The following SNX10 variants were observed in gnomAD, a reference collection of about 807,000 sequenced individuals.
The protein encoded by SNX10 is sorting nexin-10.
In SNX10, 25 loss-of-function variants were observed where a neutral mutation model predicts 28.5. That is an observed-to-expected ratio of 0.88 (90% confidence interval 0.64 to 1.22). The LOEUF (loss-of-function observed/expected upper bound fraction) is 1.22. SNX10 is among the 50% of genes most tolerant of loss of function. SNX10 has a pLI of 0.00. For missense variants in SNX10, 223 were observed against 242.6 expected, an observed-to-expected ratio of 0.92 and a Z score of 0.54; for synonymous variants, 62 against 81.4, an observed-to-expected ratio of 0.76 and a Z score of 1.28.
intron 1 of SNX10, among the ~76,000 whole-genome samples, chr7:26,292,364 G>T (rs1186454612): frequency 1.3e-5 from 2 of 152,186 alleles, no homozygotes; most frequent in Admixed American, 6.5e-5. Flanking sequence ...CCGGGGAGAG[G>T]GTGGGGCAGA....
intron 1 of SNX10, among the ~76,000 whole-genome samples, chr7:26,306,113 A>G (rs1167604300): frequency 6.6e-6 from 1 of 151,024 alleles, no homozygotes; most frequent in Non-Finnish European, 1.5e-5. Context: ...CAGGTTGGCC[A>G]GGCTGGTCTC....
rs767635600 is a variant in SNX10, at chr7:26,301,944, A to G, written c.-24+9858A>G. Among the ~76,000 whole-genome samples, 103 of 152,294 alleles carry G rather than the reference A, an allele frequency of 6.8e-4. 1 individual carries two copies. Among genetic ancestry groups the G allele is most frequent in the Admixed American group, 4.3e-3 (65 of 15,290 alleles). On this transcript the variant is annotated intron_variant, in intron 1 of 6. Transcript: ENST00000338523. ...AAAATTTAAAAGTCATACTGGGTAC[A>G]TCGTTAGGCATAGGACTCTGAGGTT...
intron 1 of SNX10, among the ~76,000 whole-genome samples, chr7:26,330,604 C>T (rs765149012): frequency 6.6e-5 from 10 of 152,106 alleles, no homozygotes; most frequent in Non-Finnish European, 1.3e-4. Context: ...AGAGGAAGGA[C>T]GGAGTCAGAT....
intron 1 of SNX10, among the ~76,000 whole-genome samples, chr7:26,321,846 ATATCC>A (rs1787321935): frequency 6.6e-6 from 1 of 151,450 alleles, no homozygotes; most frequent in African/African-American, 2.4e-5. Flanking sequence ...TGGCCTCAAG[ATATCC>A]TCTTGAGTCT....
intron 2 of SNX10, among the ~76,000 whole-genome samples, chr7:26,351,646 GTTT>G (rs982361856): frequency 5.3e-5 from 6 of 112,636 alleles, no homozygotes; most frequent in African/African-American, 1.9e-4. Flanking sequence ...AAGCAGTCTG[GTTT>G]TTTTTTTTTG....
chr7:26,319,877 A>T (rs1787241139), intron 1 of SNX10, among the ~76,000 whole-genome samples: 1 of 152,074 alleles, frequency 6.6e-6, no homozygotes, highest in Non-Finnish European at 1.5e-5. Context: ...GTTTTTCCTA[A>T]TTCAGCAAAA....
Position 26,371,986 on chromosome 7 carries a change from AGAT to A in SNX10, c.480_482del (p.Asp160del). On this transcript the variant is annotated inframe_deletion, in exon 6 of 7. Transcript: ENST00000338523. ...TAATGAATAGACGTTTCCCTGAAGAAGATGAAGAAGGAAAAAAAGAAAATGATA... is the reference window on the plus strand; with the variant it reads ...TAATGAATAGACGTTTCCCTGAAGAAGAAGAAGGAAAAAAAGAAAATGATA... 6.2e-7 allele frequency: 1 copy of A among 1,613,276 alleles called. No homozygotes were observed. The highest frequency in any genetic ancestry group is 1.1e-5 in the South Asian group (1 of 91,036).
Position 26,314,664 on chromosome 7 carries a change from A to G in SNX10, c.-24+22578A>G, listed in dbSNP as rs112218520. On this transcript the variant is annotated intron_variant, in intron 1 of 6. Coordinates refer to ENST00000338523, the MANE Select transcript of SNX10 (RefSeq NM_013322.3). ...AGTTTCATAGTTGAGTATCAAGAAT[A>G]TAGCCTGTGAACTGCATGGGATTCT... Among the ~76,000 whole-genome samples the G allele has an allele frequency of 4.6e-5, 7 of 152,252 alleles. 1 individual carries two copies. The highest frequency in any genetic ancestry group is 1.7e-4 in the African/African-American group (7 of 41,554).
intron 2 of SNX10, among the ~76,000 whole-genome samples, chr7:26,355,664 G>A (rs77694947): frequency 0.019 from 2,941 of 152,312 alleles, 55 homozygotes; most frequent in African/African-American, 0.047. Context: ...TTTGAGAAGA[G>A]CATGTTGTCT....
At chr7:26,341,980 T>TTCTCTCTCTC (rs56027802) in intron 1 of SNX10, among the ~76,000 whole-genome samples, 1 of 103,114 alleles carries the variant, frequency 9.7e-6, no homozygotes, top group African/African-American at 4.0e-5. Flanking sequence ...TTTCTCTTCT[T>TTCTCTCTCTC]TCTCTCTCTC....
At chr7:26,326,132 C>T (rs1787494952) in intron 1 of SNX10, among the ~76,000 whole-genome samples, 8 of 152,152 alleles carry the variant, frequency 5.3e-5, no homozygotes, top group Admixed American at 5.2e-4. Context: ...TCTCCATGGA[C>T]TGTGGGGGAG....
At chr7:26,303,561 C>G (rs1359713212) in intron 1 of SNX10, among the ~76,000 whole-genome samples, 1 of 152,202 alleles carries the variant, frequency 6.6e-6, no homozygotes, top group African/African-American at 2.4e-5. Flanking sequence ...CTCTACTCAT[C>G]TGGCCACTCT....
chr7:26,364,764 AGTTTCTTAGCTACTGCATCT>A lies in SNX10; in HGVS notation c.212+131_212+150del. ...TGCCTTGATTACAATATGTAGCTTT[AGTTTCTTAGCTACTGCATCT>A]GAATTTAAAATTTATCACTTAAATT... On this transcript the variant is annotated intron_variant, in intron 4 of 6. Transcript: ENST00000338523. This position sits in a 1 kb window ranked among gnomAD's most constrained non-coding sequence, Gnocchi z 4.9. 1.5e-6 allele frequency: 1 copy of A among 687,824 alleles called. No individual in the cohort carries two copies. Among genetic ancestry groups the A allele is most frequent in the South Asian group, 2.2e-5 (1 of 45,714 alleles). 42.6% of individuals were successfully genotyped at this position (687,824 alleles called of 1,614,324 possible).
At chr7:26,342,991 G>C (rs1368168583) in intron 1 of SNX10, among the ~76,000 whole-genome samples, 1 of 151,964 alleles carries the variant, frequency 6.6e-6, no homozygotes, top group Non-Finnish European at 1.5e-5. Flanking sequence ...TGTATTTTTT[G>C]TAGAGATGGG....
chr7:26,321,185 A>C (rs1256192645), intron 1 of SNX10, among the ~76,000 whole-genome samples: 10 of 152,176 alleles, frequency 6.6e-5, no homozygotes, highest in Admixed American at 6.5e-4. Context: ...TGTTTCCATA[A>C]GGTAGGCCGA....
intron 1 of SNX10, among the ~76,000 whole-genome samples, chr7:26,339,553 T>TTTTTTTCA (rs1788098090): frequency 7.9e-6 from 1 of 127,016 alleles, no homozygotes; most frequent in African/African-American, 2.9e-5. Context: ...CTTTTTTTTT[T>TTTTTTTCA]GACAGAGTCT....
At chr7:26,303,102 A>G (rs1031360732) in intron 1 of SNX10, among the ~76,000 whole-genome samples, 11 of 152,374 alleles carry the variant, frequency 7.2e-5, no homozygotes, top group Admixed American at 2.0e-4. Context: ...AGAATGCGTT[A>G]GCTTCAACTC....
At chr7:26,358,609 C>T (rs1289389768) in intron 2 of SNX10, among the ~76,000 whole-genome samples, 1 of 151,876 alleles carries the variant, frequency 6.6e-6, no homozygotes, top group Non-Finnish European at 1.5e-5. Flanking sequence ...CATGGTGGCA[C>T]CCGCCTGTAG....
In SNX10 at chr7:26,328,444, G is replaced by T. The variant is rs529689602; in HGVS notation, c.-23-17976G>T. 2.0e-5 allele frequency among the ~76,000 whole-genome samples: 3 copies of T among 152,308 alleles called. No individual in the cohort carries two copies. The South Asian group carries it at 6.2e-4, about 32-fold the overall frequency. On this transcript the variant is annotated intron_variant, in intron 1 of 6. Coordinates refer to ENST00000338523, the MANE Select transcript of SNX10 (RefSeq NM_013322.3). ...TGCAGAATGTCCGCATGAAGAGACC[G>T]CTAGGAGGTGGCCAGTTCACCCTCA...
Sources: gnomAD v4.1 joint callset for allele counts (sites outside exome capture counted in the v4.1 genomes callset) on GRCh38, gnomAD v4.1.1 for gene constraint, Gnocchi (gnomAD v3.1) non-coding constraint, MANE v1.5 for transcripts, NCBI Gene and HGNC (gene_info 2026-07-23, HGNC 2026-07-21) for gene names.